Variants in GCLM observed in about 807,000 individuals in gnomAD.
GCLM encodes glutamate-cysteine ligase modifier subunit.
In GCLM, 15 loss-of-function variants were observed where a neutral mutation model predicts 36.0. That is an observed-to-expected ratio of 0.42 (90% CI 0.28 to 0.64). GCLM has a LOEUF of 0.64. Ranked by LOEUF, GCLM falls within the 30% of genes least tolerant of loss-of-function variation. The pLI, the probability that GCLM is intolerant of heterozygous loss-of-function variation, is 0.25. For synonymous variants in GCLM, 129 were observed against 122.8 expected, an observed-to-expected ratio of 1.05 and a Z score of -0.34; for missense variants, 242 against 325.5, an observed-to-expected ratio of 0.74 and a Z score of 1.97.
intron 2 of GCLM, among the ~76,000 whole-genome samples, chr1:93,903,735 T>C (rs965458252): frequency 1.3e-5 from 2 of 152,198 alleles, no homozygotes; most frequent in South Asian, 4.1e-4. Context: ...AAAATATTAG[T>C]ACATATAAAT....
intron 1 of GCLM, among the ~76,000 whole-genome samples, chr1:93,908,275 T>C (rs769792958): frequency 2.0e-5 from 3 of 152,242 alleles, no homozygotes. Context: ...AAGTTTGTAA[T>C]TCCAGATTAA....
At chr1:93,907,024 A>G (rs1198119925) in intron 1 of GCLM, among the ~76,000 whole-genome samples, 1 of 152,240 alleles carries the variant, frequency 6.6e-6, no homozygotes, top group Non-Finnish European at 1.5e-5. Context: ...TAAGAAATTT[A>G]ACTGAACTCT....
rs1476266710 is a variant in GCLM at position 93,885,637 on chromosome 1, T to A, written c.*3353A>T. On this transcript the variant is annotated 3_prime_UTR_variant, in exon 7 of 7. Coordinates refer to ENST00000370238, the MANE Select transcript of GCLM (RefSeq NM_002061.4). ...ATATAGGTTCAGAATTTTAATTTGG[T>A]GTATTTGAATATGAAAACACAAATG... 2.0e-5 allele frequency: 3 copies of A among 152,218 alleles called. No individual in the cohort carries two copies. The highest frequency in any genetic ancestry group is 4.4e-5 in the Non-Finnish European group (3 of 68,018). 9.4% of individuals were successfully genotyped at this position (152,218 alleles called of 1,614,324 possible).
chr1:93,891,586 G>A (rs6692306), intron 6 of GCLM, among the ~76,000 whole-genome samples: 14,283 of 152,122 alleles, frequency 0.094, 1,784 homozygotes, highest in African/African-American at 0.28. Context: ...AATTCCATGA[G>A]GGTTGGTTTT....
chr1:93,904,579 A>C lies in GCLM; in HGVS notation c.136T>G (p.Cys46Gly), dbSNP rs1657076152. ...PSTHSEELHD[C>G]IQKTLNEWSS... ...CATTCATTCAAGGTTTTTTGGATAC[A>C]ATCATGAAGCTGCAAAAGGAATGCA... The change falls in exon 2 of 7, where the codon TGT becomes GGT. Residue 46 changes from cysteine (C) to glycine (G), a missense_variant. Cys to Gly is a radical substitution (Grantham distance 159, BLOSUM62 -3). Coordinates refer to ENST00000370238, the MANE Select transcript of GCLM (RefSeq NM_002061.4). 6.2e-7 allele frequency: 1 copy of C among 1,608,472 alleles called. No individual in the cohort carries two copies.
At chr1:93,906,686 A>G (rs1426667834) in intron 1 of GCLM, among the ~76,000 whole-genome samples, 2 of 152,182 alleles carry the variant, frequency 1.3e-5, no homozygotes, top group Non-Finnish European at 2.9e-5. Context: ...ATATTGACTA[A>G]ACATTAACCT....
chr1:93,904,374 G>T, intron 2 of GCLM, 149 bp downstream of exon 2: 1 of 657,976 alleles, frequency 1.5e-6, no homozygotes, highest in Non-Finnish European at 2.8e-6. Flanking sequence ...TAAGCCTACT[G>T]GATCAGAGTG....
At chr1:93,900,891 C>T (rs950037904) in intron 3 of GCLM, among the ~76,000 whole-genome samples, 7 of 152,030 alleles carry the variant, frequency 4.6e-5, no homozygotes, top group African/African-American at 1.5e-4. Context: ...ACAAAGAAGC[C>T]GGAGAAACAG....
rs2100926364 is a variant in GCLM, at chr1:93,904,572, T to C, written c.143A>G (p.Gln48Arg). ...THSEELHDCI[Q>R]KTLNEWSSQI... ...GGAACTCCATTCATTCAAGGTTTTT[T>C]GGATACAATCATGAAGCTGCAAAAG... The change falls in exon 2 of 7, where the codon CAA (glutamine) becomes CGA (arginine). Residue 48 changes from glutamine (Q) to arginine (R), a missense_variant. Transcript: ENST00000370238. The C allele has an allele frequency of 1.2e-6, 2 of 1,611,160 alleles. No individual in the cohort carries two copies. Among genetic ancestry groups the C allele is most frequent in the Non-Finnish European group, 1.7e-6 (2 of 1,177,372 alleles).
At chr1:93,892,415 AAAAATATGACAC>A (rs1291242165) in intron 6 of GCLM, among the ~76,000 whole-genome samples, 13 of 152,316 alleles carry the variant, frequency 8.5e-5, no homozygotes, top group African/African-American at 2.6e-4. Flanking sequence ...TAAAAAAATA[AAAAATATGACAC>A]AAAATCAGAG....
chr1:93,904,679 GA>G (rs202041507), intron 1 of GCLM, 91 bp from the exon 2 acceptor site: 48 of 813,700 alleles, frequency 5.9e-5, no homozygotes, highest in Non-Finnish European at 7.3e-5. Context: ...TGATAAGCAG[GA>G]AAAAAAAGAT....
At chr1:93,897,361 T>G (rs1203380090) in intron 4 of GCLM, among the ~76,000 whole-genome samples, 2 of 152,196 alleles carry the variant, frequency 1.3e-5, no homozygotes, top group African/African-American at 2.4e-5. Context: ...AGAGCTTATT[T>G]TAAATGATTA....
At chr1:93,892,117 C>T (rs1362033483) in intron 6 of GCLM, among the ~76,000 whole-genome samples, 2 of 151,842 alleles carry the variant, frequency 1.3e-5, no homozygotes, top group Admixed American at 6.6e-5. Flanking sequence ...TGGATTTAAT[C>T]GAAATGGGGG....
At chr1:93,901,694 C>A in intron 2 of GCLM, 25 bp from the exon 3 acceptor site, 1 of 1,183,550 alleles carries the variant, frequency 8.4e-7, no homozygotes, top group Non-Finnish European at 1.2e-6. Context: ...ATATTTAAAA[C>A]AAATATAAAA....
rs1180332084 is a variant in GCLM, at chr1:93,888,976, T to C, written c.*14A>G. The C allele has an allele frequency of 2.0e-6, 3 of 1,526,088 alleles. No homozygotes were observed. Among genetic ancestry groups the C allele is most frequent in the Non-Finnish European group, 2.6e-6 (3 of 1,135,792 alleles). 94.5% of individuals were successfully genotyped at this position (1,526,088 alleles called of 1,614,324 possible). A position where few individuals can be genotyped will look rare whatever the true frequency, so the allele number is the denominator to read the frequency against. ...ATTGAAGGAAATTACAGGTAAGTTA[T>C]GCTCCTAAGTCAGTTAAGAACCCCT... On this transcript the variant is annotated 3_prime_UTR_variant, in exon 7 of 7. Coordinates refer to ENST00000370238, the MANE Select transcript of GCLM (RefSeq NM_002061.4).
intron 2 of GCLM, among the ~76,000 whole-genome samples, chr1:93,904,033 T>G (rs17880957): frequency 6.6e-6 from 1 of 152,252 alleles, no homozygotes; most frequent in East Asian, 1.9e-4. Flanking sequence ...CTAAGTAATG[T>G]GCTGTGAGCC....
At chr1:93,903,598 G>A (rs899230344) in intron 2 of GCLM, among the ~76,000 whole-genome samples, 25 of 151,866 alleles carry the variant, frequency 1.6e-4, no homozygotes, top group Non-Finnish European at 2.5e-4. Flanking sequence ...GATTATAGGC[G>A]TGAGCCACTG....
chr1:93,889,031 A>C lies in GCLM; in HGVS notation c.784T>G (p.Ser262Ala), dbSNP rs376556368. 2.0e-5 allele frequency: 32 copies of C among 1,600,384 alleles called. No individual in the cohort carries two copies. The highest frequency in any genetic ancestry group is 2.7e-5 in the Non-Finnish European group (32 of 1,173,764). The change falls in exon 7 of 7, where the codon TCA (serine) becomes GCA (alanine). Residue 262 changes from serine to alanine, a missense_variant. Transcript: ENST00000370238. ...VIVKSRGIIK[S>A]KGYILQAKRR... is the part of the protein sequence containing the mutation. ...TTAGCTTGTAAAATGTAGCCTTTTG[A>C]TTTGATAATTCCTCTACTTTTCACA...
At chr1:93,898,000 G>T (rs1449877871) in intron 3 of GCLM, 102 bp from the exon 4 acceptor site, 1 of 494,188 alleles carries the variant, frequency 2.0e-6, no homozygotes, top group Non-Finnish European at 3.5e-6. Context: ...AGATAATCCT[G>T]AATGAATTAT....
Sources: allele counts gnomAD v4.1 joint callset (sites outside exome capture counted in the v4.1 genomes callset), GRCh38; gene constraint gnomAD v4.1.1; transcripts MANE v1.5; gene names NCBI Gene and HGNC (gene_info 2026-07-23, HGNC 2026-07-21).